SH2B2: variants seen among roughly 807,000 people sequenced by gnomAD.
SH2B2 encodes the protein SH2B adaptor protein 2, also known as SH2B adapter protein 2.
SH2B2 carries 37 observed loss-of-function variants against 35.7 expected under a neutral mutation model. The observed-to-expected ratio is 1.04, with a 90% CI of 0.80 to 1.36. The LOEUF (loss-of-function observed/expected upper bound fraction) is 1.36. SH2B2 is among the 40% of genes most tolerant of loss of function. The pLI is 0.00. For synonymous variants in SH2B2, 383 were observed against 376.4 expected, an observed-to-expected ratio of 1.02 and a Z score of -0.20; for missense variants, 852 against 817.7, an observed-to-expected ratio of 1.04 and a Z score of -0.51.
At chr7:102,314,162 C>G (rs1793728385) in intron 4 of SH2B2, among the ~76,000 whole-genome samples, 174 bp from the exon 5 acceptor site, 1 of 152,172 alleles carries the variant, frequency 6.6e-6, no homozygotes, top group Non-Finnish European at 1.5e-5. Context: ...ACGGTGGCCA[C>G]AGAGCCAGTG....
Position 102,301,123 on chromosome 7 carries a change from G to T in SH2B2, c.573G>T (p.Leu191=). ...GGACGCTGGCTGCCAAGGTGGAGCTGGTGGACATTCAACGCGAGGGGGCGC... is the reference window on the plus strand; with the variant it reads ...GGACGCTGGCTGCCAAGGTGGAGCTTGTGGACATTCAACGCGAGGGGGCGC... ...LSRTLAAKVE[L]VDIQREGALR... The change falls in exon 2 of 9, where the codon CTG becomes CTT. Residue 191 remains leucine, a synonymous_variant. Coordinates refer to ENST00000444095, the MANE Select transcript of SH2B2 (RefSeq NM_001359228.2). 6.7e-7 allele frequency: 1 copy of T among 1,496,092 alleles called. No homozygotes were observed. The highest frequency in any genetic ancestry group is 8.9e-7 in the Non-Finnish European group (1 of 1,126,152). The allele number at this position is 1,496,092 out of a possible 1,614,324, so 92.7% of individuals were successfully genotyped here.
intron 6 of SH2B2, among the ~76,000 whole-genome samples, chr7:102,316,404 T>A (rs1793829599): frequency 6.9e-6 from 1 of 145,794 alleles, no homozygotes. Context: ...CTGAGCAACA[T>A]GGTGAAACCC....
chr7:102,319,586 G>A (rs1793977408), intron 7 of SH2B2, among the ~76,000 whole-genome samples: 1 of 152,052 alleles, frequency 6.6e-6, no homozygotes, highest in Non-Finnish European at 1.5e-5. Flanking sequence ...CCCCCTCCTG[G>A]GCTTGGGGCT....
intron 2 of SH2B2, among the ~76,000 whole-genome samples, chr7:102,303,864 C>G (rs932064432): frequency 6.6e-6 from 1 of 152,056 alleles, no homozygotes; most frequent in East Asian, 1.9e-4. Flanking sequence ...AGCTGGTGCC[C>G]GCCCCCGCCC....
At chr7:102,295,264 C>T (rs1792856267) in intron 1 of SH2B2, among the ~76,000 whole-genome samples, 1 of 152,232 alleles carries the variant, frequency 6.6e-6, no homozygotes, top group Non-Finnish European at 1.5e-5. Flanking sequence ...CTACCCTTCC[C>T]AGGCTGCCAA....
At chr7:102,312,694 T>C (rs1458466916) in intron 4 of SH2B2, among the ~76,000 whole-genome samples, 2 of 152,218 alleles carry the variant, frequency 1.3e-5, no homozygotes, top group Non-Finnish European at 2.9e-5. Context: ...TCTTTCCTTT[T>C]GTTTTTACTT....
chr7:102,321,264 GTCCCCAC>G (rs1429155375), intron 8 of SH2B2, 28 bp from the exon 9 acceptor site: 66 of 1,341,750 alleles, frequency 4.9e-5, no homozygotes, highest in Middle Eastern at 2.7e-4. Context: ...GCCAGCCCAG[GTCCCCAC>G]TCACGCCCTG....
At chr7:102,319,943 CAGG>C (rs1554557945) in intron 7 of SH2B2, among the ~76,000 whole-genome samples, 2 of 152,144 alleles carry the variant, frequency 1.3e-5, no homozygotes, top group African/African-American at 2.4e-5. Context: ...ACCACCCAAA[CAGG>C]AGTTTTCTTC....
chr7:102,307,646 G>T (rs1385729729), intron 3 of SH2B2, among the ~76,000 whole-genome samples: 1 of 152,056 alleles, frequency 6.6e-6, no homozygotes, highest in Non-Finnish European at 1.5e-5. Context: ...ATGCATGACA[G>T]CCTTGAGGCA....
chr7:102,297,229 C>G lies in SH2B2; in HGVS notation c.-29-3293C>G, dbSNP rs971132248. Among the ~76,000 whole-genome samples, 2 of 152,038 alleles carry G rather than the reference C, an allele frequency of 1.3e-5. No individual in the cohort carries two copies. Among genetic ancestry groups the G allele is most frequent in the South Asian group, 2.1e-4 (1 of 4,816 alleles). On this transcript the variant is annotated intron_variant, in intron 1 of 8. Coordinates refer to ENST00000444095, the MANE Select transcript of SH2B2 (RefSeq NM_001359228.2). The surrounding 1 kb of genome is among the most constrained non-coding windows in gnomAD (Gnocchi z 4.3). ...ATCCGCACTCTGGATACGACCCGCTCGCCACTTAGGAGTTGTCTGGGTTAT... is the reference window on the plus strand; with the variant it reads ...ATCCGCACTCTGGATACGACCCGCTGGCCACTTAGGAGTTGTCTGGGTTAT...
rs781812561 is a variant in SH2B2, at chr7:102,301,016, G to T, written c.466G>T (p.Ala156Ser). ...CGTGCGCGACATGTGGCACCGGCGC[G>T]CCTCGCCCGAGCCCGACGCGGCAGC... ...DGVRDMWHRR[A>S]SPEPDAAAAP... The change falls in exon 2 of 9, where the codon GCC becomes TCC. Residue 156 changes from alanine to serine, a missense_variant. Physicochemically the swap from Ala to Ser is moderately conservative, Grantham distance 99 (BLOSUM62 1). Transcript: ENST00000444095. The T allele has an allele frequency of 3.0e-5, 42 of 1,402,422 alleles. No homozygotes were observed. The East Asian group carries it at 5.7e-4, about 19-fold the overall frequency. The allele number at this position is 1,402,422 out of a possible 1,614,324, so 86.9% of individuals were successfully genotyped here.
intron 1 of SH2B2, among the ~76,000 whole-genome samples, chr7:102,289,446 G>C (rs1554551399): frequency 2.0e-5 from 3 of 152,160 alleles, no homozygotes. Context: ...GCAGTGCCCA[G>C]CTGGGTGCTG....
chr7:102,314,275 A>G (rs1397578050), intron 4 of SH2B2, 61 bp from the exon 5 acceptor site: 2 of 398,500 alleles, frequency 5.0e-6, no homozygotes, highest in African/African-American at 4.1e-5. Context: ...CCACATAAGT[A>G]GCCTGTGGTC....
At position 102,300,538 on chromosome 7, in the gene SH2B2, T is replaced by TG; in HGVS notation, c.-10dup. 30 of 1,538,178 alleles carry TG rather than the reference T, an allele frequency of 2.0e-5. No homozygotes were observed. Among genetic ancestry groups the TG allele is most frequent in the Non-Finnish European group, 2.4e-5 (28 of 1,143,900 alleles). Reference sequence around the variant, plus strand: ...CGCCCGAAGCCGCAGGTGGCTGCGATGGGACGGAAGCCATGAATGGTGCCG... The same window carrying TG: ...CGCCCGAAGCCGCAGGTGGCTGCGATGGGGACGGAAGCCATGAATGGTGCCG... On this transcript the variant is annotated 5_prime_UTR_variant, in exon 2 of 9. Coordinates refer to ENST00000444095, the MANE Select transcript of SH2B2 (RefSeq NM_001359228.2).
chr7:102,291,975 G>C (rs1365668104), intron 1 of SH2B2, among the ~76,000 whole-genome samples: 1 of 152,176 alleles, frequency 6.6e-6, no homozygotes, highest in Non-Finnish European at 1.5e-5. Flanking sequence ...GGCCAGGAGG[G>C]TGCTTGAGGA....
chr7:102,310,090 C>T (rs1016428335), intron 4 of SH2B2, among the ~76,000 whole-genome samples: 5 of 152,074 alleles, frequency 3.3e-5, no homozygotes, highest in African/African-American at 1.2e-4. Flanking sequence ...CCGAGGCAGG[C>T]GGATCACCTG....
intron 3 of SH2B2, among the ~76,000 whole-genome samples, chr7:102,308,102 C>T (rs369474352): frequency 6.6e-5 from 10 of 152,196 alleles, no homozygotes; most frequent in Admixed American, 4.6e-4. Context: ...GGCACACCAC[C>T]GGAAGCCAAC....
intron 1 of SH2B2, among the ~76,000 whole-genome samples, chr7:102,296,758 A>G (rs1444489460): frequency 1.3e-5 from 2 of 152,226 alleles, no homozygotes; most frequent in African/African-American, 4.8e-5. Flanking sequence ...GTGGGAATGT[A>G]AGTAGAAGCG....
In SH2B2 at chr7:102,321,296, C is replaced by T; in HGVS notation, c.1568-3C>T. 7.2e-7 allele frequency: 1 copy of T among 1,383,244 alleles called. No homozygotes were observed. The highest frequency in any genetic ancestry group is 9.3e-7 in the Non-Finnish European group (1 of 1,074,722). 85.7% of individuals were successfully genotyped at this position (1,383,244 alleles called of 1,614,324 possible). A position where few individuals can be genotyped will look rare whatever the true frequency, so the allele number is the denominator to read the frequency against. On this transcript the variant is annotated splice_region_variant and splice_polypyrimidine_tract_variant and intron_variant, in intron 8 of 8. Transcript: ENST00000444095. ...CTCACGCCCTGCCGTCGCCTTGTTG[C>T]AGAGCCGGGCCCCACGCCCCCTGCC...
Sources: allele counts gnomAD v4.1 joint callset (sites outside exome capture counted in the v4.1 genomes callset), GRCh38; gene constraint gnomAD v4.1.1; non-coding constraint Gnocchi (gnomAD v3.1); transcripts MANE v1.5; gene names NCBI Gene and HGNC (gene_info 2026-07-23, HGNC 2026-07-21).